The following KCNMA1 variants were observed in gnomAD, a reference collection of about 807,000 sequenced individuals.
KCNMA1 encodes Calcium-activated potassium channel subunit alpha-1.
In KCNMA1, 29 loss-of-function variants were observed where a neutral mutation model predicts 140.0. The ratio of observed to expected loss-of-function variants is 0.21; its 90% CI spans 0.15 to 0.28. KCNMA1 has a LOEUF of 0.28. KCNMA1 is among the 10% of genes least tolerant of loss of function. The pLI, the probability that KCNMA1 is intolerant of heterozygous loss-of-function variation, is 1.00. For missense variants in KCNMA1, 880 were observed against 1,602.2 expected (o/e 0.55, Z 7.70); for synonymous variants, 612 against 611.9 (o/e 1.00, Z 0.00).
chr10:77,548,166 C>T (rs530629480), intron 1 of KCNMA1, among the ~76,000 whole-genome samples: 1 of 152,220 alleles, frequency 6.6e-6, no homozygotes, highest in Middle Eastern at 3.4e-3. Context: ...GAGTTTCCTT[C>T]CAAATCCACA....
At chr10:77,119,516 A>G (rs1469361431) in intron 6 of KCNMA1, among the ~76,000 whole-genome samples, 2 of 152,196 alleles carry the variant, frequency 1.3e-5, no homozygotes, top group East Asian at 3.9e-4. Context: ...TTTAAAACAC[A>G]GTCTAGTGGA....
rs71028280 is a variant in KCNMA1 at position 77,499,403 on chromosome 10, G to GTATATATATATATATATA, written c.379-95398_379-95381dup. Among the ~76,000 whole-genome samples the GTATATATATATATATATA allele has an allele frequency of 2.8e-3, 392 of 142,428 alleles. 6 individuals carry two copies. Among genetic ancestry groups the GTATATATATATATATATA allele is most frequent in the African/African-American group, 9.2e-3 (349 of 38,028 alleles). 93.4% of individuals were successfully genotyped at this position (142,428 alleles called of 152,430 possible). ...GAAAGTCAAAATGCTCAGTAGGCAT[G>GTATATATATATATATATA]TATATATATATATATATATACACAC... On this transcript the variant is annotated intron_variant, in intron 1 of 27. Transcript: ENST00000286628.
At chr10:77,349,558 C>CTGGG (rs1424209932) in intron 2 of KCNMA1, among the ~76,000 whole-genome samples, 1 of 152,180 alleles carries the variant, frequency 6.6e-6, no homozygotes, top group Admixed American at 6.5e-5. Flanking sequence ...AGCAGGGAAA[C>CTGGG]TGAGGTTAGG....
chr10:77,383,987 T>C (rs941894029), intron 2 of KCNMA1, among the ~76,000 whole-genome samples: 9 of 152,348 alleles, frequency 5.9e-5, no homozygotes, highest in Admixed American at 4.6e-4. Flanking sequence ...AGCAGCATGC[T>C]GTATGTTTAT....
intron 11 of KCNMA1, among the ~76,000 whole-genome samples, chr10:77,085,621 G>T (rs554255936): frequency 2.3e-3 from 351 of 152,154 alleles, no homozygotes; most frequent in Non-Finnish European, 4.2e-3. Flanking sequence ...TGGATTTTGA[G>T]GGAGGCCATA....
chr10:77,328,711 A>AAACATATATGGGAGGTCATGAC (rs2085163123), intron 2 of KCNMA1, among the ~76,000 whole-genome samples: 1 of 152,248 alleles, frequency 6.6e-6, no homozygotes, highest in African/African-American at 2.4e-5. Flanking sequence ...TAACAGAAGA[A>AAACATATATGGGAGGTCATGAC]AACATATATG....
At chr10:77,233,194 T>C (rs1271522603) in intron 3 of KCNMA1, among the ~76,000 whole-genome samples, 1 of 152,216 alleles carries the variant, frequency 6.6e-6, no homozygotes, top group Non-Finnish European at 1.5e-5. Flanking sequence ...AAAAACTGGA[T>C]GTATTTCTGG....
In KCNMA1 at chr10:77,310,353, C is replaced by T. The variant is rs149043631; in HGVS notation, c.541-59097G>A. ...ACCAAAGGGTTAATTTCTGAGATCT[C>T]GATCCAAAAGGTGCCCATACCATGG... On this transcript the variant is annotated intron_variant, in intron 2 of 27. Transcript: ENST00000286628. Among the ~76,000 whole-genome samples the T allele has an allele frequency of 2.1e-3, 317 of 152,254 alleles. 2 individuals carry two copies. Among genetic ancestry groups the T allele is most frequent in the African/African-American group, 7.1e-3 (295 of 41,540 alleles).
At chr10:77,444,859 C>G (rs1033377523) in intron 1 of KCNMA1, among the ~76,000 whole-genome samples, 1 of 152,132 alleles carries the variant, frequency 6.6e-6, no homozygotes, top group Non-Finnish European at 1.5e-5. Context: ...GTGGTTGGGT[C>G]CTTGAAAAGC....
chr10:77,276,015 C>T (rs877211), intron 2 of KCNMA1, among the ~76,000 whole-genome samples: 8 of 152,196 alleles, frequency 5.3e-5, no homozygotes, highest in Admixed American at 1.3e-4. Flanking sequence ...CGGTGTCCCC[C>T]CTTCCTTGCC....
At chr10:77,045,378 G>A (rs1424771344) in intron 14 of KCNMA1, among the ~76,000 whole-genome samples, 1 of 152,222 alleles carries the variant, frequency 6.6e-6, no homozygotes, top group East Asian at 1.9e-4. Flanking sequence ...GCCTAGCAAA[G>A]ATGAGCAGAT....
At chr10:77,488,318 C>T (rs1695496395) in intron 1 of KCNMA1, among the ~76,000 whole-genome samples, 1 of 152,158 alleles carries the variant, frequency 6.6e-6, no homozygotes, top group African/African-American at 2.4e-5. Context: ...GGATGGCATC[C>T]TGACACCTGG....
Position 77,108,897 on chromosome 10 carries a change from A to T in KCNMA1, c.1132-325T>A, listed in dbSNP as rs376857339. Reference sequence around the variant, plus strand: ...AAAATAGGCAAGAGGGGGACATGCTAGTGAAACTAAACACACACAGACACA... The same window carrying T: ...AAAATAGGCAAGAGGGGGACATGCTTGTGAAACTAAACACACACAGACACA... On this transcript the variant is annotated intron_variant, in intron 8 of 27. Coordinates refer to ENST00000286628, the MANE Select transcript of KCNMA1 (RefSeq NM_001161352.2). The surrounding 1 kb of genome is among the most constrained non-coding windows in gnomAD (Gnocchi z 4.6). Among the ~76,000 whole-genome samples the T allele has an allele frequency of 1.3e-5, 2 of 152,224 alleles. No individual in the cohort carries two copies. The highest frequency in any genetic ancestry group is 3.8e-4 in the East Asian group (2 of 5,198).
At chr10:77,224,639 C>A (rs918212708) in intron 3 of KCNMA1, among the ~76,000 whole-genome samples, 1 of 152,138 alleles carries the variant, frequency 6.6e-6, no homozygotes, top group African/African-American at 2.4e-5. Context: ...AAGTGCTGAC[C>A]ATCCCTGCCC....
At chr10:77,534,847 C>T (rs1202964956) in intron 1 of KCNMA1, among the ~76,000 whole-genome samples, 1 of 152,180 alleles carries the variant, frequency 6.6e-6, no homozygotes, top group Non-Finnish European at 1.5e-5. Context: ...CAACCCACAG[C>T]CTACAACCCA....
chr10:77,544,154 G>C (rs2060857164), intron 1 of KCNMA1, among the ~76,000 whole-genome samples: 5 of 142,728 alleles, frequency 3.5e-5, no homozygotes, highest in South Asian at 2.3e-4. Flanking sequence ...TTCCAGCTGT[G>C]TGTGTGTGTG....
chr10:77,163,176 A>C (rs978135055), intron 5 of KCNMA1, among the ~76,000 whole-genome samples: 2 of 152,262 alleles, frequency 1.3e-5, no homozygotes, highest in Non-Finnish European at 2.9e-5. Context: ...ACACCAGCTA[A>C]AAATGTTTTC....
intron 1 of KCNMA1, among the ~76,000 whole-genome samples, chr10:77,488,102 GC>G (rs1455959167): frequency 6.6e-6 from 1 of 152,212 alleles, no homozygotes; most frequent in Non-Finnish European, 1.5e-5. Context: ...GGTGGAGCCA[GC>G]CCTGGTCATT....
At chr10:77,585,693 T>C (rs1308084406) in intron 1 of KCNMA1, among the ~76,000 whole-genome samples, 2 of 152,238 alleles carry the variant, frequency 1.3e-5, no homozygotes, top group Non-Finnish European at 2.9e-5. Context: ...TGCTTCATGA[T>C]TCCCAGACGA....
Sources: allele counts gnomAD v4.1 joint callset (sites outside exome capture counted in the v4.1 genomes callset), GRCh38; gene constraint gnomAD v4.1.1; non-coding constraint Gnocchi (gnomAD v3.1); transcripts MANE v1.5; gene names NCBI Gene and HGNC (gene_info 2026-07-23, HGNC 2026-07-21).